The following CHD6 variants were observed in gnomAD, a reference collection of about 807,000 sequenced individuals.
CHD6 encodes the protein ATP-dependent chromatin remodeler CHD6.
CHD6 carries 50 observed loss-of-function variants against 276.9 expected under a neutral mutation model. The ratio of observed to expected loss-of-function variants is 0.18; its 90% CI spans 0.14 to 0.23. The LOEUF (loss-of-function observed/expected upper bound fraction) is 0.23. CHD6 is among the 10% of genes least tolerant of loss of function. The pLI is 1.00. For synonymous variants in CHD6, 1,173 were observed against 1,229.3 expected, an observed-to-expected ratio of 0.95 and a Z score of 0.96; for missense variants, 2,564 against 3,365.8, an observed-to-expected ratio of 0.76 and a Z score of 5.89.
intron 5 of CHD6, among the ~76,000 whole-genome samples, chr20:41,506,196 C>T (rs139741128): frequency 5.9e-5 from 9 of 152,328 alleles, no homozygotes; most frequent in African/African-American, 2.2e-4. Context: ...TCTTGCCCCA[C>T]TAGTCTATTC....
In CHD6 at chr20:41,533,175, C is replaced by G. The variant is rs779935894; in HGVS notation, c.429G>C (p.Lys143Asn). The G allele has an allele frequency of 5.0e-6, 8 of 1,613,936 alleles. No individual in the cohort carries two copies. The highest frequency in any genetic ancestry group is 1.7e-6 in the Non-Finnish European group (2 of 1,180,048). The change falls in exon 3 of 37, where the codon AAG becomes AAC. Residue 143 changes from lysine to asparagine, a missense_variant. Coordinates refer to ENST00000373233, the MANE Select transcript of CHD6 (RefSeq NM_032221.5). ...TTGCCCCATCTTTTTGCTTCGGCTC[C>G]TTGTGCTCCTTGGCCTTCTTCGGCT... ...AKEPKKAKEH[K>N]EPKQKDGAKK...
At chr20:41,580,909 C>G (rs2045530746) in intron 1 of CHD6, among the ~76,000 whole-genome samples, 1 of 152,066 alleles carries the variant, frequency 6.6e-6, no homozygotes, top group East Asian at 1.9e-4. Flanking sequence ...TAAGGTAAGA[C>G]AGAAGAGACA....
At chr20:41,482,144 T>TG (rs1292947433) in intron 16 of CHD6, among the ~76,000 whole-genome samples, 1 of 152,138 alleles carries the variant, frequency 6.6e-6, no homozygotes, top group Non-Finnish European at 1.5e-5. Flanking sequence ...TTACTCATTT[T>TG]GGGGGGTTCT....
At chr20:41,558,891 T>C (rs183106653) in intron 1 of CHD6, among the ~76,000 whole-genome samples, 5 of 152,224 alleles carry the variant, frequency 3.3e-5, no homozygotes, top group African/African-American at 7.2e-5. Flanking sequence ...CTAATTTCAT[T>C]TTCCTCCACC....
chr20:41,489,595 T>A (rs1568636821), intron 12 of CHD6, among the ~76,000 whole-genome samples, 183 bp downstream of exon 12: 1 of 152,330 alleles, frequency 6.6e-6, no homozygotes, highest in East Asian at 1.9e-4. Flanking sequence ...CCTACAATCC[T>A]GTGTTGTATC....
At chr20:41,456,439 A>T (rs2048379699) in intron 18 of CHD6, among the ~76,000 whole-genome samples, 1 of 151,946 alleles carries the variant, frequency 6.6e-6, no homozygotes, top group South Asian at 2.1e-4. Context: ...AAAAAAAATG[A>T]TCCCATGATA....
At chr20:41,572,081 C>CCAG (rs2045423386) in intron 1 of CHD6, among the ~76,000 whole-genome samples, 2 of 152,162 alleles carry the variant, frequency 1.3e-5, no homozygotes, top group Admixed American at 1.3e-4. Flanking sequence ...GGCTTCTGTG[C>CCAG]CAGTTATCAA....
intron 27 of CHD6, among the ~76,000 whole-genome samples, chr20:41,433,164 A>C (rs960882138): frequency 2.2e-4 from 34 of 152,182 alleles, no homozygotes; most frequent in Non-Finnish European, 5.9e-5. Context: ...GTTTCCCAGA[A>C]GGCGAGGAGA....
chr20:41,471,353 T>C (rs1017799809), intron 17 of CHD6, among the ~76,000 whole-genome samples: 1 of 152,224 alleles, frequency 6.6e-6, no homozygotes, highest in Non-Finnish European at 1.5e-5. Flanking sequence ...ATTTTAGTGT[T>C]GAGTGTGTTA....
intron 25 of CHD6, among the ~76,000 whole-genome samples, chr20:41,442,796 C>G (rs955377097): frequency 6.6e-6 from 1 of 152,168 alleles, no homozygotes; most frequent in Non-Finnish European, 1.5e-5. Context: ...ATAGGCAGCA[C>G]CCAGGCAGGG....
intron 25 of CHD6, among the ~76,000 whole-genome samples, chr20:41,441,418 C>A (rs911840415): frequency 6.6e-6 from 1 of 152,190 alleles, no homozygotes; most frequent in Non-Finnish European, 1.5e-5. Flanking sequence ...CCCCAATACT[C>A]CTGCTTTTAA....
intron 5 of CHD6, among the ~76,000 whole-genome samples, chr20:41,505,638 T>TTA (rs1239280088): frequency 4.2e-4 from 64 of 152,236 alleles, no homozygotes; most frequent in African/African-American, 1.5e-3. Context: ...TTTTTGTAAT[T>TTA]TATATATATA....
At chr20:41,537,054 A>G (rs575283768) in intron 2 of CHD6, among the ~76,000 whole-genome samples, 1 of 152,230 alleles carries the variant, frequency 6.6e-6, no homozygotes, top group Non-Finnish European at 1.5e-5. Context: ...GAAAAATTAA[A>G]TAAAGTGATA....
intron 1 of CHD6, among the ~76,000 whole-genome samples, chr20:41,602,669 C>T (rs2045785699): frequency 6.6e-6 from 1 of 152,008 alleles, no homozygotes; most frequent in South Asian, 2.1e-4. Flanking sequence ...TTAAAAAAAC[C>T]CAGAATTTTA....
intron 31 of CHD6, among the ~76,000 whole-genome samples, chr20:41,417,838 A>G (rs548177737): frequency 6.6e-6 from 1 of 152,390 alleles, no homozygotes; most frequent in South Asian, 2.1e-4. Context: ...GTAAAAAAAG[A>G]TGCCAAGAAA....
intron 2 of CHD6, 74 bp downstream of exon 2, chr20:41,551,231 G>A: frequency 1.1e-6 from 1 of 949,876 alleles, no homozygotes; most frequent in Non-Finnish European, 1.7e-6. Flanking sequence ...AGCCAACACT[G>A]CCAGTGTCTC....
At position 41,457,344 on chromosome 20, in the gene CHD6, T is replaced by C. The variant is rs2048406526; in HGVS notation, c.2749A>G (p.Met917Val). The change falls in exon 18 of 37, where the codon ATG becomes GTG. Residue 917 changes from methionine (M) to valine (V), a missense_variant. Met to Val is a conservative substitution (Grantham distance 21). This residue lies in a region of CHD6 where 457 missense variants were observed against 889.0 expected (regional missense o/e 0.51). Coordinates refer to ENST00000373233, the MANE Select transcript of CHD6 (RefSeq NM_032221.5). Reference sequence around the variant, plus strand: ...AGCTTTAGGCTGGCCTTGTCAAACATCTCGCGCTCGTAGGAATTTCGAGTG... The same window carrying C: ...AGCTTTAGGCTGGCCTTGTCAAACACCTCGCGCTCGTAGGAATTTCGAGTG... ...LITRNSYERE[M>V]FDKASLKLGL... is the part of the protein sequence containing the mutation. 1.2e-6 allele frequency: 2 copies of C among 1,614,106 alleles called. No individual in the cohort carries two copies. Among genetic ancestry groups the C allele is most frequent in the Non-Finnish European group, 1.7e-6 (2 of 1,179,996 alleles).
chr20:41,497,579 G>T, intron 7 of CHD6, 78 bp from the exon 8 acceptor site: 1 of 930,568 alleles, frequency 1.1e-6, no homozygotes, highest in Admixed American at 1.7e-5. Flanking sequence ...AATAAACACG[G>T]TGACCACCTA....
chr20:41,458,012 T>C (rs1325409971), intron 17 of CHD6, among the ~76,000 whole-genome samples: 1 of 152,212 alleles, frequency 6.6e-6, no homozygotes, highest in African/African-American at 2.4e-5. Flanking sequence ...TATATTATTA[T>C]CATTGTCACA....
Sources: allele counts gnomAD v4.1 joint callset (sites outside exome capture counted in the v4.1 genomes callset), GRCh38; gene constraint gnomAD v4.1.1; regional missense constraint gnomAD v4.1.1; transcripts MANE v1.5; gene names NCBI Gene and HGNC (gene_info 2026-07-23, HGNC 2026-07-21).